LARGE1: variants seen among roughly 807,000 people sequenced by gnomAD.
LARGE1 encodes the protein LARGE xylosyl- and glucuronyltransferase 1, also known as xylosyl- and glucuronyltransferase LARGE1.
Under a neutral mutation model 87.6 loss-of-function variants are expected in LARGE1, and 43 were observed. That is an observed-to-expected ratio of 0.49 (90% CI 0.38 to 0.63). The LOEUF (loss-of-function observed/expected upper bound fraction) is 0.63. LARGE1 is among the 30% of genes least tolerant of loss of function. The probability of loss-of-function intolerance (pLI) is 0.00; values close to 1 mark genes in which losing one functional copy is unlikely to be tolerated. For synonymous variants in LARGE1, 434 were observed against 394.6 expected (o/e 1.10, Z -1.18); for missense variants, 802 against 1,000.2 (o/e 0.80, Z 2.67).
At chr22:33,453,220 G>C (rs996659359) in intron 6 of LARGE1, among the ~76,000 whole-genome samples, 1 of 152,102 alleles carries the variant, frequency 6.6e-6, no homozygotes, top group South Asian at 2.1e-4. Context: ...TTCGAGACCA[G>C]CCTGGCCAAT....
intron 6 of LARGE1, among the ~76,000 whole-genome samples, chr22:33,518,917 A>G (rs1366515044): frequency 6.6e-6 from 1 of 152,114 alleles, no homozygotes; most frequent in Admixed American, 6.5e-5. Context: ...TCCAGGGACC[A>G]ACATCCTAGA....
chr22:33,681,839 A>G (rs942934489), intron 2 of LARGE1, among the ~76,000 whole-genome samples: 10 of 152,354 alleles, frequency 6.6e-5, no homozygotes, highest in African/African-American at 2.4e-4. Flanking sequence ...CTGGACAGTC[A>G]TCTTTTAGCG....
chr22:33,898,071 T>C (rs2065190428), intron 1 of LARGE1, among the ~76,000 whole-genome samples: 1 of 152,220 alleles, frequency 6.6e-6, no homozygotes. Flanking sequence ...TGGCCACAGC[T>C]GTAGCCACCC....
intron 10 of LARGE1, among the ~76,000 whole-genome samples, chr22:33,323,808 A>G (rs544881114): frequency 3.9e-5 from 6 of 152,328 alleles, no homozygotes; most frequent in Admixed American, 2.0e-4. Flanking sequence ...TGTGAACTGT[A>G]AAGTGCTACC....
At chr22:33,767,496 T>G (rs749286973) in intron 1 of LARGE1, among the ~76,000 whole-genome samples, 1 of 150,080 alleles carries the variant, frequency 6.7e-6, no homozygotes, top group Non-Finnish European at 1.5e-5. Context: ...AAGCTTTAAT[T>G]TACAAGCTCA....
At chr22:33,269,025 GAACT>G (rs1288885488), downstream of LARGE1, among the ~76,000 whole-genome samples, 6 of 151,820 alleles carry the variant, frequency 4.0e-5, no homozygotes, top group Non-Finnish European at 5.9e-5. Context: ...TCAAAACACT[GAACT>G]AACAAAACAA....
At chr22:33,782,773 A>G (rs535691456) in intron 1 of LARGE1, among the ~76,000 whole-genome samples, 1 of 151,762 alleles carries the variant, frequency 6.6e-6, no homozygotes, top group Non-Finnish European at 1.5e-5. Context: ...GCTGAGGCAG[A>G]AGAATCACTT....
At chr22:33,204,886 C>T (rs1023849222) in intron 11 of LARGE1, among the ~76,000 whole-genome samples, 1 of 152,120 alleles carries the variant, frequency 6.6e-6, no homozygotes, top group Non-Finnish European at 1.5e-5. Context: ...CTGAAAGCAA[C>T]ACCAAGGAGG....
downstream of LARGE1, among the ~76,000 whole-genome samples, chr22:33,161,330 C>T (rs1026337801): frequency 4.6e-5 from 7 of 152,048 alleles, no homozygotes; most frequent in Admixed American, 1.3e-4. Context: ...ATTCTGCCCC[C>T]GGCCCCTCCC....
intron 11 of LARGE1, among the ~76,000 whole-genome samples, chr22:33,304,962 G>C (rs16992105): frequency 0.17 from 25,552 of 152,114 alleles, 2,604 homozygotes; most frequent in African/African-American, 0.29. Context: ...AAACACAAGA[G>C]CTACAACAAC....
intron 11 of LARGE1, among the ~76,000 whole-genome samples, chr22:33,205,321 G>C (rs886897059): frequency 1.3e-5 from 2 of 152,214 alleles, no homozygotes; most frequent in Non-Finnish European, 2.9e-5. Context: ...CAGCCACAGG[G>C]AAAGTCTCTT....
intron 2 of LARGE1, among the ~76,000 whole-genome samples, chr22:33,730,800 C>T (rs2083439644): frequency 6.6e-6 from 1 of 152,026 alleles, no homozygotes; most frequent in African/African-American, 2.4e-5. Flanking sequence ...TCAAGCGATT[C>T]TTTTGCCTCA....
chr22:33,402,135 G>A (rs2065945298), intron 7 of LARGE1, among the ~76,000 whole-genome samples: 1 of 152,212 alleles, frequency 6.6e-6, no homozygotes, highest in Admixed American at 6.5e-5. Context: ...CTGAGGCTCG[G>A]AGAGGTCATA....
At chr22:33,270,526 C>A (rs1928186449), downstream of LARGE1, among the ~76,000 whole-genome samples, 1 of 152,134 alleles carries the variant, frequency 6.6e-6, no homozygotes, top group Non-Finnish European at 1.5e-5. Flanking sequence ...TCTCTGGGAG[C>A]TAGTTTTATT....
At chr22:33,548,508 C>G (rs928463035) in intron 6 of LARGE1, among the ~76,000 whole-genome samples, 1 of 152,160 alleles carries the variant, frequency 6.6e-6, no homozygotes, top group African/African-American at 2.4e-5. Context: ...CTCCACCTCC[C>G]GGGTACAGGC....
intron 2 of LARGE1, among the ~76,000 whole-genome samples, chr22:33,671,445 G>A (rs1198105317): frequency 3.3e-5 from 5 of 152,174 alleles, no homozygotes; most frequent in African/African-American, 7.2e-5. Context: ...TAGCATTCAC[G>A]TATGTGTGTT....
At chr22:33,368,079 C>T (rs529091484) in intron 9 of LARGE1, among the ~76,000 whole-genome samples, 234 of 152,232 alleles carry the variant, frequency 1.5e-3, no homozygotes, top group Non-Finnish European at 2.1e-3. Flanking sequence ...TACTTGGTTT[C>T]TTTTTAATAA....
chr22:33,206,899 G>A (rs1045795594), intron 11 of LARGE1, among the ~76,000 whole-genome samples: 1 of 152,218 alleles, frequency 6.6e-6, no homozygotes, highest in Admixed American at 6.5e-5. Context: ...CCCACAGGTG[G>A]TGTTAAAATG....
chr22:33,473,703 C>CA (rs749461387), intron 6 of LARGE1, among the ~76,000 whole-genome samples: 62 of 152,282 alleles, frequency 4.1e-4, no homozygotes, highest in Non-Finnish European at 7.3e-4. Flanking sequence ...CTTGGCCTTC[C>CA]AAAGTGCTGG....
Sources: allele counts gnomAD v4.1 joint callset (sites outside exome capture counted in the v4.1 genomes callset), GRCh38; gene constraint gnomAD v4.1.1; transcripts MANE v1.5; gene names NCBI Gene and HGNC (gene_info 2026-07-23, HGNC 2026-07-21).